The following LEPR variants were observed in gnomAD, a reference collection of about 807,000 sequenced individuals.
LEPR encodes OB receptor.
LEPR carries 56 observed loss-of-function variants against 114.7 expected under a neutral mutation model. That is an observed-to-expected ratio of 0.49 (90% CI 0.39 to 0.61). The LOEUF is 0.61. Among genes scored for constraint, LEPR ranks in the 20% least tolerant of loss-of-function variants. The pLI, the probability that LEPR is intolerant of heterozygous loss-of-function variation, is 0.00. For synonymous variants in LEPR, 443 were observed against 461.4 expected, an observed-to-expected ratio of 0.96 and a Z score of 0.51; for missense variants, 1,202 against 1,352.9, an observed-to-expected ratio of 0.89 and a Z score of 1.75.
intron 2 of LEPR, chr1:65,486,277 G>A (rs1422245899): frequency 6.6e-6 from 1 of 152,030 alleles, no homozygotes; most frequent in African/African-American, 2.4e-5. Flanking sequence ...CAGGGATTGG[G>A]TCTCATTTTG....
intron 2 of LEPR, among the ~76,000 whole-genome samples, chr1:65,428,196 A>G (rs535964188): frequency 6.6e-6 from 1 of 152,298 alleles, no homozygotes; most frequent in East Asian, 1.9e-4. Context: ...TATATATTTA[A>G]TATTTACATT....
intron 2 of LEPR, among the ~76,000 whole-genome samples, chr1:65,544,964 AC>A (rs1406277038): frequency 8.1e-6 from 1 of 124,038 alleles, no homozygotes; most frequent in Non-Finnish European, 1.7e-5. Flanking sequence ...CACTCCCCCC[AC>A]CCCACAACAG....
At chr1:65,518,854 C>CT (rs987165844) in intron 2 of LEPR, among the ~76,000 whole-genome samples, 1 of 141,216 alleles carries the variant, frequency 7.1e-6, no homozygotes, top group African/African-American at 2.7e-5. Context: ...TTCTTTTTCT[C>CT]TTTTCTTTCT....
At position 65,617,971 on chromosome 1, in the gene LEPR, C is replaced by T. The variant is rs757501135; in HGVS notation, c.2220C>T (p.Ile740=). The T allele has an allele frequency of 1.9e-5, 31 of 1,608,014 alleles. No homozygotes were observed. Among genetic ancestry groups the T allele is most frequent in the Admixed American group, 6.7e-5 (4 of 59,870 alleles). ...TCCTTCTTTTCCCCTCAGTAAATAT[C>T]GTGCAGTCACTCAGTGCTTATCCTT... ...TFSWPMSKVN[I]VQSLSAYPLN... Residue 740 remains isoleucine, a synonymous_variant, in exon 16 of 20, where the codon ATC becomes ATT. Transcript: ENST00000349533.
Position 65,574,616 on chromosome 1 carries a change from A to G in LEPR, c.494+2167A>G, listed in dbSNP as rs974818494. 6.6e-5 allele frequency among the ~76,000 whole-genome samples: 10 copies of G among 152,344 alleles called. No homozygotes were observed. In the East Asian group the frequency reaches 1.9e-3, roughly 29 times the overall value. On this transcript the variant is annotated intron_variant, in intron 5 of 19. Coordinates refer to ENST00000349533, the MANE Select transcript of LEPR (RefSeq NM_002303.6). Reference sequence around the variant, plus strand: ...CACTCACAAAGCACTTGCTATGTTTAACAGTTGTTCTACCTCTAGAAATTA... The same window carrying G: ...CACTCACAAAGCACTTGCTATGTTTGACAGTTGTTCTACCTCTAGAAATTA...
At chr1:65,584,437 A>G (rs909408831) in intron 5 of LEPR, among the ~76,000 whole-genome samples, 2 of 152,104 alleles carry the variant, frequency 1.3e-5, no homozygotes, top group Non-Finnish European at 2.9e-5. Flanking sequence ...ACATGTATTA[A>G]AGGGTGTGTG....
chr1:65,515,797 G>A (rs947762982), intron 2 of LEPR, among the ~76,000 whole-genome samples: 1 of 152,118 alleles, frequency 6.6e-6, no homozygotes, highest in Non-Finnish European at 1.5e-5. Context: ...GAGAATTTGG[G>A]TTAAATTATC....
At chr1:65,593,434 T>C (rs1176888085) in intron 6 of LEPR, among the ~76,000 whole-genome samples, 1 of 152,132 alleles carries the variant, frequency 6.6e-6, no homozygotes, top group Non-Finnish European at 1.5e-5. Context: ...TCTCTTTTTA[T>C]CAATTTAAAT....
At chr1:65,601,813 T>C (rs1037846717) in intron 9 of LEPR, 30 bp from the exon 10 acceptor site, 4 of 1,587,420 alleles carry the variant, frequency 2.5e-6, no homozygotes, top group Admixed American at 3.4e-5. Flanking sequence ...GTTTTTGCTT[T>C]ATATTAATAT....
chr1:65,478,612 T>C (rs1185782858), intron 2 of LEPR, among the ~76,000 whole-genome samples: 2 of 152,186 alleles, frequency 1.3e-5, no homozygotes, highest in East Asian at 3.9e-4. Flanking sequence ...AGGAAGAAAC[T>C]TGATCTTAGT....
At chr1:65,556,127 G>A (rs186150896) in intron 2 of LEPR, among the ~76,000 whole-genome samples, 18 of 152,188 alleles carry the variant, frequency 1.2e-4, no homozygotes, top group East Asian at 3.9e-4. Context: ...AGGCTGCAGC[G>A]GAGCTTGTTC....
chr1:65,520,872 C>G (rs1416345893), intron 2 of LEPR, among the ~76,000 whole-genome samples: 3 of 152,234 alleles, frequency 2.0e-5, no homozygotes, highest in Non-Finnish European at 2.9e-5. Flanking sequence ...AGGCACAGAT[C>G]GCTCATGCTA....
At chr1:65,604,920 G>T in intron 10 of LEPR, 118 bp from the exon 11 acceptor site, 1 of 1,266,108 alleles carries the variant, frequency 7.9e-7, no homozygotes, top group Non-Finnish European at 1.1e-6. Flanking sequence ...CATGAAACCG[G>T]TCCCTGGTGC....
chr1:65,512,708 T>C (rs1485746619), intron 2 of LEPR, among the ~76,000 whole-genome samples: 1 of 152,182 alleles, frequency 6.6e-6, no homozygotes, highest in South Asian at 2.1e-4. Context: ...TTGCTTATTC[T>C]GGCCCTGCCT....
intron 2 of LEPR, among the ~76,000 whole-genome samples, chr1:65,487,877 C>A (rs1412014002): frequency 2.0e-5 from 3 of 151,112 alleles, no homozygotes; most frequent in Non-Finnish European, 4.4e-5. Flanking sequence ...CACTCTTTTT[C>A]TTTCTTTCTT....
In LEPR at chr1:65,473,159, C is replaced by T. The variant is rs139166695; in HGVS notation, c.-21+47781C>T. On this transcript the variant is annotated intron_variant, in intron 2 of 19. Coordinates refer to ENST00000349533, the MANE Select transcript of LEPR (RefSeq NM_002303.6). ...GGTCTGTGCCAAGGAGCTTCATATG[C>T]ATTGTTTGTAACACTTGCAACATTA... Among the ~76,000 whole-genome samples the T allele has an allele frequency of 4.1e-3, 623 of 152,316 alleles. 3 individuals are homozygous for T. The highest frequency in any genetic ancestry group is 6.8e-3 in the Non-Finnish European group (461 of 68,026).
intron 2 of LEPR, among the ~76,000 whole-genome samples, chr1:65,449,108 G>A (rs1646747919): frequency 6.6e-6 from 1 of 152,132 alleles, no homozygotes; most frequent in Non-Finnish European, 1.5e-5. Context: ...TGGTCAGGCT[G>A]GTCTCGAACT....
intron 2 of LEPR, among the ~76,000 whole-genome samples, chr1:65,526,627 C>T (rs570095299): frequency 6.6e-6 from 1 of 152,244 alleles, no homozygotes; most frequent in East Asian, 1.9e-4. Flanking sequence ...TACCCTTTCA[C>T]GGCTCTGGAA....
Position 65,633,037 on chromosome 1 carries a change from A to G in LEPR, c.2674-3154A>G. On this transcript the variant is annotated intron_variant, in intron 19 of 19. Transcript: ENST00000349533. The surrounding 1 kb of genome is among the most constrained non-coding windows in gnomAD (Gnocchi z 4.1). ...AGGATGCATTATTGTAACCTAACAC[A>G]AAAATTTATAGTCCAGAACCCATGC... The G allele has an allele frequency of 1.2e-6, 1 of 865,960 alleles. No homozygotes were observed. The highest frequency in any genetic ancestry group is 1.8e-6 in the Non-Finnish European group (1 of 559,284). The allele number at this position is 865,960 out of a possible 1,614,324, so 53.6% of individuals were successfully genotyped here. A position where few individuals can be genotyped will look rare whatever the true frequency, so the allele number is the denominator to read the frequency against.
Sources: gnomAD v4.1 joint callset for allele counts (sites outside exome capture counted in the v4.1 genomes callset) on GRCh38, gnomAD v4.1.1 for gene constraint, Gnocchi (gnomAD v3.1) non-coding constraint, MANE v1.5 for transcripts, NCBI Gene and HGNC (gene_info 2026-07-23, HGNC 2026-07-21) for gene names.